CAMTA1: variants seen among roughly 807,000 people sequenced by gnomAD.
The protein encoded by CAMTA1 is calmodulin binding transcription activator 1, also known as calmodulin-binding transcription activator 1.
In CAMTA1, 27 loss-of-function variants were observed where a neutral mutation model predicts 170.9. That is an observed-to-expected ratio of 0.16 (90% CI 0.12 to 0.22). CAMTA1 has a LOEUF of 0.22. CAMTA1 is among the 10% of genes least tolerant of loss of function. The probability of loss-of-function intolerance (pLI) is 1.00; values close to 1 mark genes in which losing one functional copy is unlikely to be tolerated. For synonymous variants in CAMTA1, 833 were observed against 891.5 expected (o/e 0.93, Z 1.17); for missense variants, 1,619 against 2,217.2 (o/e 0.73, Z 5.42).
At chr1:7,429,519 G>A (rs2092052046) in intron 5 of CAMTA1, among the ~76,000 whole-genome samples, 1 of 151,966 alleles carries the variant, frequency 6.6e-6, no homozygotes, top group Non-Finnish European at 1.5e-5. Context: ...TGGTGGTACT[G>A]AAGGTGATGG....
At position 7,680,897 on chromosome 1, in the gene CAMTA1, TCTTTGTCCCCGCGGCGCAGC is replaced by T. The variant is rs1459506015; in HGVS notation, c.2914+3181_2914+3200del. The stretch of plus-strand genomic sequence containing the variant: ...AGCAGCAGCAGCTGCTGCGGCGAAG[TCTTTGTCCCCGCGGCGCAGC>T]CTTTGTCCCCGCGGCGTAGCTTTTG... On this transcript the variant is annotated intron_variant, in intron 11 of 22. Coordinates refer to ENST00000303635, the MANE Select transcript of CAMTA1 (RefSeq NM_015215.4). The surrounding 1 kb of genome is among the most constrained non-coding windows in gnomAD (Gnocchi z 4.4). Among the ~76,000 whole-genome samples the T allele has an allele frequency of 8.2e-4, 109 of 132,948 alleles. No homozygotes were observed. The highest frequency in any genetic ancestry group is 2.6e-3 in the African/African-American group (98 of 37,470). 87.2% of individuals were successfully genotyped at this position (132,948 alleles called of 152,430 possible). A position where few individuals can be genotyped will look rare whatever the true frequency, so the allele number is the denominator to read the frequency against.
intron 5 of CAMTA1, among the ~76,000 whole-genome samples, chr1:7,254,375 C>A (rs562936287): frequency 1.3e-5 from 2 of 152,324 alleles, no homozygotes; most frequent in African/African-American, 4.8e-5. Context: ...CAGAGACAGC[C>A]CTGTCCACTG....
At chr1:7,131,505 G>T (rs1191554384) in intron 4 of CAMTA1, among the ~76,000 whole-genome samples, 1 of 149,894 alleles carries the variant, frequency 6.7e-6, no homozygotes, top group Non-Finnish European at 1.5e-5. Flanking sequence ...TGAGATGAGG[G>T]TCAAGGATCG....
At chr1:7,203,835 CT>C (rs755506381) in intron 4 of CAMTA1, among the ~76,000 whole-genome samples, 89 of 139,848 alleles carry the variant, frequency 6.4e-4, no homozygotes, top group Non-Finnish European at 8.0e-4. Context: ...ACTTTTCTTT[CT>C]TTTTTTTTTT....
At chr1:7,089,445 CTG>C (rs1641181534) in intron 3 of CAMTA1, among the ~76,000 whole-genome samples, 2 of 152,112 alleles carry the variant, frequency 1.3e-5, no homozygotes, top group Non-Finnish European at 2.9e-5. Flanking sequence ...TTTTAAGCTC[CTG>C]TGTCAACTAT....
At chr1:7,311,990 C>A (rs892641890) in intron 5 of CAMTA1, among the ~76,000 whole-genome samples, 1 of 152,138 alleles carries the variant, frequency 6.6e-6, no homozygotes, top group Non-Finnish European at 1.5e-5. Flanking sequence ...AGTTTATAAA[C>A]AATTTTGTGA....
intron 6 of CAMTA1, among the ~76,000 whole-genome samples, 175 bp from the exon 7 acceptor site, chr1:7,640,225 G>A (rs1253001757): frequency 6.6e-6 from 1 of 152,140 alleles, no homozygotes; most frequent in Non-Finnish European, 1.5e-5. Flanking sequence ...TATCCCACAT[G>A]CGCCGGACAG....
At chr1:6,914,648 C>T (rs1329309150) in intron 3 of CAMTA1, among the ~76,000 whole-genome samples, 1 of 152,158 alleles carries the variant, frequency 6.6e-6, no homozygotes, top group African/African-American at 2.4e-5. Flanking sequence ...CAGGCAGGCC[C>T]CTAGGAAGGG....
intron 5 of CAMTA1, among the ~76,000 whole-genome samples, chr1:7,459,656 C>G (rs375666055): frequency 1.3e-5 from 2 of 152,336 alleles, no homozygotes; most frequent in African/African-American, 4.8e-5. Flanking sequence ...GGCTGCAGGC[C>G]CCTGCTCAGG....
intron 5 of CAMTA1, among the ~76,000 whole-genome samples, chr1:7,366,169 T>C (rs1054732403): frequency 4.6e-5 from 7 of 152,116 alleles, no homozygotes; most frequent in African/African-American, 1.4e-4. Context: ...GAAAGCAGTG[T>C]GATTTGGGGA....
At chr1:6,839,773 C>T (rs1007253033) in intron 3 of CAMTA1, among the ~76,000 whole-genome samples, 4 of 152,120 alleles carry the variant, frequency 2.6e-5, no homozygotes, top group African/African-American at 9.7e-5. Context: ...TGCAAAGGCC[C>T]TGAGGCAGGA....
intron 3 of CAMTA1, among the ~76,000 whole-genome samples, chr1:7,077,516 C>T (rs559304055): frequency 1.6e-4 from 25 of 151,958 alleles, no homozygotes; most frequent in Non-Finnish European, 1.8e-4. Flanking sequence ...TTCTCTGGAA[C>T]GAGTTTCTTT....
chr1:7,132,038 G>A (rs1432047880), intron 4 of CAMTA1, among the ~76,000 whole-genome samples: 3 of 135,006 alleles, frequency 2.2e-5, no homozygotes, highest in African/African-American at 5.9e-5. Flanking sequence ...GGGTGACAGA[G>A]TGACTCTGTT....
Position 6,887,702 on chromosome 1 carries a change from C to T in CAMTA1, c.234+62492C>T. 6.5e-7 allele frequency: 1 copy of T among 1,535,286 alleles called. No homozygotes were observed. Among genetic ancestry groups the T allele is most frequent in the South Asian group, 1.2e-5 (1 of 84,042 alleles). ...GGGCGCAGCAAAGAAGAGGGATCCA[C>T]AGAGCTGGAGCCATGAGGGCTGACA... On this transcript the variant is annotated intron_variant, in intron 3 of 22. Coordinates refer to ENST00000303635, the MANE Select transcript of CAMTA1 (RefSeq NM_015215.4). The surrounding 1 kb of genome is among the most constrained non-coding windows in gnomAD (Gnocchi z 4.1).
intron 5 of CAMTA1, among the ~76,000 whole-genome samples, chr1:7,434,451 CCATTCATTCATTCATT>C (rs34014428): frequency 6.6e-6 from 1 of 150,836 alleles, no homozygotes; most frequent in Non-Finnish European, 1.5e-5. Context: ...GAGGAAAGCA[CCATTCATTCATTCATT>C]CATTCATTCA....
intron 6 of CAMTA1, among the ~76,000 whole-genome samples, chr1:7,603,546 T>C (rs1230559494): frequency 6.6e-6 from 1 of 152,228 alleles, no homozygotes; most frequent in Non-Finnish European, 1.5e-5. Context: ...TAGATCTTCC[T>C]CCATCCCTTT....
chr1:7,258,967 T>C (rs116599789), intron 5 of CAMTA1, among the ~76,000 whole-genome samples: 1,635 of 152,192 alleles, frequency 0.011, 28 homozygotes, highest in Admixed American at 0.04. Flanking sequence ...GCAAAAATCA[T>C]GAGGAAAACA....
intron 4 of CAMTA1, among the ~76,000 whole-genome samples, chr1:7,182,723 G>A (rs924220409): frequency 2.0e-5 from 3 of 152,180 alleles, no homozygotes; most frequent in Non-Finnish European, 2.9e-5. Flanking sequence ...TCCCTGATAT[G>A]TAAAGAGCTG....
chr1:7,180,392 C>A (rs11120874), intron 4 of CAMTA1, among the ~76,000 whole-genome samples: 37,068 of 151,374 alleles, frequency 0.24, 4,615 homozygotes, highest in Admixed American at 0.29. Context: ...TTTTGTAGAC[C>A]TCTATTAAAA....
Sources: gnomAD v4.1 joint callset for allele counts (sites outside exome capture counted in the v4.1 genomes callset) on GRCh38, gnomAD v4.1.1 for gene constraint, Gnocchi (gnomAD v3.1) non-coding constraint, MANE v1.5 for transcripts, NCBI Gene and HGNC (gene_info 2026-07-23, HGNC 2026-07-21) for gene names.